The following RBMS3 variants were observed in gnomAD, a reference collection of about 807,000 sequenced individuals.
The protein encoded by RBMS3 is RNA binding motif single stranded interacting protein 3.
Under a neutral mutation model 66.8 loss-of-function variants are expected in RBMS3, and 27 were observed. The observed-to-expected ratio is 0.40, with a 90% CI of 0.30 to 0.56. The LOEUF (loss-of-function observed/expected upper bound fraction) is 0.56, where lower values mean the gene tolerates loss of function less well. Among genes scored for constraint, RBMS3 ranks in the 20% least tolerant of loss-of-function variants. RBMS3 has a pLI of 0.40. For missense variants in RBMS3, 513 were observed against 549.5 expected (o/e 0.93, Z 0.66); for synonymous variants, 188 against 183.0 (o/e 1.03, Z -0.22).
At chr3:29,737,291 A>T (rs938975911) in intron 4 of RBMS3, among the ~76,000 whole-genome samples, 8 of 152,192 alleles carry the variant, frequency 5.3e-5, no homozygotes, top group African/African-American at 1.9e-4. Context: ...GTTATTTTTT[A>T]AAATAGATTT....
chr3:29,821,139 A>T (rs1008308142), intron 6 of RBMS3, among the ~76,000 whole-genome samples: 53 of 152,192 alleles, frequency 3.5e-4, no homozygotes, highest in African/African-American at 1.2e-3. Context: ...AGCCAAGTAT[A>T]CATATCTGTC....
chr3:29,743,396 A>G (rs1205622439), intron 5 of RBMS3, among the ~76,000 whole-genome samples: 1 of 152,214 alleles, frequency 6.6e-6, no homozygotes, highest in Non-Finnish European at 1.5e-5. Flanking sequence ...GAGAGAAATT[A>G]TTGTATTACA....
chr3:29,384,037 T>C (rs2038891025), intron 1 of RBMS3, among the ~76,000 whole-genome samples: 1 of 152,138 alleles, frequency 6.6e-6, no homozygotes, highest in South Asian at 2.1e-4. Flanking sequence ...GGAAGAGAGC[T>C]GGGCACAGTG....
At chr3:29,994,351 G>A (rs1699077459) in intron 14 of RBMS3, among the ~76,000 whole-genome samples, 1 of 152,232 alleles carries the variant, frequency 6.6e-6, no homozygotes, top group South Asian at 2.1e-4. Context: ...TGAGGCTGGG[G>A]GAGGGGCACC....
At chr3:29,499,171 A>T (rs955690944) in intron 3 of RBMS3, among the ~76,000 whole-genome samples, 9 of 152,204 alleles carry the variant, frequency 5.9e-5, no homozygotes, top group African/African-American at 2.2e-4. Flanking sequence ...AAGGAAAAAA[A>T]TGCCTAAAGA....
At chr3:29,402,571 T>C (rs2125668941) in intron 1 of RBMS3, among the ~76,000 whole-genome samples, 1 of 152,160 alleles carries the variant, frequency 6.6e-6, no homozygotes, top group Middle Eastern at 3.4e-3. Context: ...GAGTTAGCTG[T>C]ATCAATCTTT....
intron 3 of RBMS3, among the ~76,000 whole-genome samples, chr3:29,524,190 A>G (rs915883608): frequency 1.4e-4 from 21 of 151,988 alleles, no homozygotes; most frequent in African/African-American, 5.1e-4. Context: ...ATATACCTCA[A>G]CCAGTAAGTC....
chr3:29,377,596 C>T (rs756483338), intron 1 of RBMS3, among the ~76,000 whole-genome samples: 4 of 152,196 alleles, frequency 2.6e-5, no homozygotes, highest in Non-Finnish European at 4.4e-5. Context: ...TTATCTCTAA[C>T]CAAGAGAGGT....
At chr3:29,691,949 A>ATTTTTTTGTTTTTTT (rs2052037670) in intron 4 of RBMS3, among the ~76,000 whole-genome samples, 1 of 65,014 alleles carries the variant, frequency 1.5e-5, no homozygotes, top group Non-Finnish European at 2.9e-5. Context: ...CTCTCTCTCT[A>ATTTTTTTGTTTTTTT]TTTTTTTTTT....
intron 7 of RBMS3, among the ~76,000 whole-genome samples, chr3:29,872,409 A>G (rs914175798): frequency 1.2e-4 from 19 of 152,178 alleles, no homozygotes; most frequent in African/African-American, 4.3e-4. Context: ...CTCTTTTTCT[A>G]TACTCTGTCT....
At chr3:29,847,418 C>T (rs781679400) in intron 6 of RBMS3, among the ~76,000 whole-genome samples, 5 of 152,168 alleles carry the variant, frequency 3.3e-5, no homozygotes, top group Non-Finnish European at 7.3e-5. Flanking sequence ...AAGCCCTTGC[C>T]TTTGGCAGCT....
At chr3:29,354,216 T>C (rs2037085494) in intron 1 of RBMS3, among the ~76,000 whole-genome samples, 1 of 152,160 alleles carries the variant, frequency 6.6e-6, no homozygotes, top group African/African-American at 2.4e-5. Flanking sequence ...AATACCCACA[T>C]ATTGGAACAT....
At chr3:29,623,927 G>T (rs566564981) in intron 4 of RBMS3, among the ~76,000 whole-genome samples, 24 of 152,288 alleles carry the variant, frequency 1.6e-4, no homozygotes, top group Admixed American at 3.3e-4. Flanking sequence ...AATTAATTTT[G>T]TGGAGTATAG....
intron 6 of RBMS3, among the ~76,000 whole-genome samples, chr3:29,763,910 C>T (rs916478979): frequency 1.8e-4 from 27 of 152,056 alleles, no homozygotes; most frequent in African/African-American, 6.5e-4. Flanking sequence ...ACTAAGGCGA[C>T]TTCTTCCATC....
chr3:29,570,211 G>A (rs2046899951), intron 3 of RBMS3, among the ~76,000 whole-genome samples: 1 of 151,878 alleles, frequency 6.6e-6, no homozygotes, highest in Non-Finnish European at 1.5e-5. Flanking sequence ...TACATAGTAT[G>A]TATATATATT....
intron 6 of RBMS3, among the ~76,000 whole-genome samples, chr3:29,865,194 T>C (rs1313468513): frequency 2.0e-5 from 3 of 151,938 alleles, no homozygotes. Context: ...CCCAGGAAGC[T>C]GGCACCCTTA....
At chr3:29,562,350 T>C (rs2046587393) in intron 3 of RBMS3, among the ~76,000 whole-genome samples, 1 of 152,060 alleles carries the variant, frequency 6.6e-6, no homozygotes, top group Non-Finnish European at 1.5e-5. Context: ...AAGCTGAAAA[T>C]CTGATTCTTA....
At chr3:29,600,747 A>G (rs2048115546) in intron 4 of RBMS3, among the ~76,000 whole-genome samples, 1 of 152,070 alleles carries the variant, frequency 6.6e-6, no homozygotes, top group East Asian at 1.9e-4. Context: ...TGCCACTTAA[A>G]TAGCATTTTT....
chr3:29,435,970 T>C (rs866360338), intron 2 of RBMS3, among the ~76,000 whole-genome samples: 2 of 96,452 alleles, frequency 2.1e-5, no homozygotes, highest in South Asian at 8.0e-4. Context: ...CGAGACTCCG[T>C]CTCAAAAAAA....
Sources: allele counts gnomAD v4.1 joint callset (sites outside exome capture counted in the v4.1 genomes callset), GRCh38; gene constraint gnomAD v4.1.1; transcripts MANE v1.5; gene names NCBI Gene and HGNC (gene_info 2026-07-23, HGNC 2026-07-21).